PDE10A: variants seen among roughly 807,000 people sequenced by gnomAD.
PDE10A encodes cAMP and cAMP-inhibited cGMP 3',5'-cyclic phosphodiesterase 10A.
Under a neutral mutation model 97.7 loss-of-function variants are expected in PDE10A, and 39 were observed. That is an observed-to-expected ratio of 0.40 (90% CI 0.31 to 0.52). PDE10A has a LOEUF of 0.52. Ranked by LOEUF, PDE10A falls within the 20% of genes least tolerant of loss-of-function variation. The pLI, the probability that PDE10A is intolerant of heterozygous loss-of-function variation, is 0.56. For missense variants in PDE10A, 731 were observed against 1,047.8 expected (o/e 0.70, Z 4.17); for synonymous variants, 371 against 376.8 (o/e 0.98, Z 0.18).
At chr6:165,509,523 C>A (rs940309977) in intron 2 of PDE10A, among the ~76,000 whole-genome samples, 3 of 151,572 alleles carry the variant, frequency 2.0e-5, no homozygotes, top group Non-Finnish European at 2.9e-5. Context: ...TGTGATGCCT[C>A]CGGTGTTGTT....
intron 1 of PDE10A, among the ~76,000 whole-genome samples, chr6:165,715,338 A>T (rs889930868): frequency 6.6e-6 from 1 of 152,238 alleles, no homozygotes; most frequent in Non-Finnish European, 1.5e-5. Context: ...TAGTCCTAGA[A>T]CCATACGCTG....
intron 1 of PDE10A, among the ~76,000 whole-genome samples, chr6:165,805,630 G>A (rs1417532503): frequency 6.6e-6 from 1 of 152,148 alleles, no homozygotes; most frequent in South Asian, 2.1e-4. Context: ...TTTGCAAGGC[G>A]AGAGGGGAGA....
intron 18 of PDE10A, among the ~76,000 whole-genome samples, chr6:165,351,754 G>A (rs1303120560): frequency 6.6e-6 from 1 of 152,200 alleles, no homozygotes; most frequent in Non-Finnish European, 1.5e-5. Flanking sequence ...AATTATTTTA[G>A]CTCAACATGT....
At chr6:165,368,498 A>C (rs1338240390) in intron 18 of PDE10A, among the ~76,000 whole-genome samples, 2 of 152,210 alleles carry the variant, frequency 1.3e-5, no homozygotes, top group Non-Finnish European at 2.9e-5. Context: ...CGGACTAATA[A>C]AAATGCATAC....
At position 165,906,083 on chromosome 6, in the gene PDE10A, TC is replaced by T. The variant is rs780803357; in HGVS notation, c.-615+81445del. 5.7e-4 allele frequency among the ~76,000 whole-genome samples: 24 copies of T among 42,096 alleles called. 3 individuals are homozygous for T. The highest frequency in any genetic ancestry group is 7.3e-4 in the Non-Finnish European group (17 of 23,402). 27.6% of individuals were successfully genotyped at this position (42,096 alleles called of 152,430 possible). A position where few individuals can be genotyped will look rare whatever the true frequency, so the allele number is the denominator to read the frequency against. ...CTCCCTCCGTCCCTTCCTTCCTCCC[TC>T]CCTCCCTTCCTTTCTTCCTTTCTTC... On this transcript the variant is annotated intron_variant, in intron 1 of 19. Coordinates refer to the PDE10A transcript ENST00000366882.
intron 7 of PDE10A, 70 bp from the exon 8 acceptor site, chr6:165,431,542 A>T (rs966666653): frequency 9.0e-6 from 2 of 222,820 alleles, no homozygotes; most frequent in African/African-American, 6.5e-5. Context: ...TATATATAAT[A>T]TACTATATAT....
At chr6:165,525,365 G>A (rs1056723008) in intron 2 of PDE10A, among the ~76,000 whole-genome samples, 2 of 152,026 alleles carry the variant, frequency 1.3e-5, no homozygotes, top group African/African-American at 4.8e-5. Flanking sequence ...AGTTAAAAAA[G>A]GTCCTAACAG....
intron 1 of PDE10A, among the ~76,000 whole-genome samples, chr6:165,687,827 T>G (rs531563849): frequency 1.3e-5 from 2 of 152,290 alleles, no homozygotes; most frequent in South Asian, 4.2e-4. Context: ...TTTAAGCCCT[T>G]CCCAAACTTT....
chr6:165,447,037 G>T (rs1045223693), intron 5 of PDE10A, among the ~76,000 whole-genome samples: 1 of 151,698 alleles, frequency 6.6e-6, no homozygotes, highest in African/African-American at 2.4e-5. Context: ...GCGTTTTGCT[G>T]AATCCTAAGA....
chr6:165,598,561 T>G (rs765924666), intron 1 of PDE10A, among the ~76,000 whole-genome samples: 1 of 152,172 alleles, frequency 6.6e-6, no homozygotes, highest in Non-Finnish European at 1.5e-5. Context: ...GGACTTATCC[T>G]AAGGCTCAGA....
At chr6:165,804,762 AGCG>A (rs1235526964) in intron 1 of PDE10A, among the ~76,000 whole-genome samples, 47 of 150,424 alleles carry the variant, frequency 3.1e-4, no homozygotes, top group African/African-American at 1.1e-3. Context: ...GGGGTCGGGG[AGCG>A]GCGGCGGGGG....
At chr6:165,871,914 G>A (rs1781214207) in intron 1 of PDE10A, among the ~76,000 whole-genome samples, 1 of 152,212 alleles carries the variant, frequency 6.6e-6, no homozygotes, top group Admixed American at 6.5e-5. Flanking sequence ...GGAAATCAAG[G>A]TATTTTCAAG....
intron 1 of PDE10A, among the ~76,000 whole-genome samples, chr6:165,802,002 C>T (rs943709661): frequency 7.9e-5 from 12 of 152,176 alleles, no homozygotes; most frequent in Non-Finnish European, 1.6e-4. Flanking sequence ...AGGCCTGGAA[C>T]TTCTGTCATA....
At chr6:165,447,101 A>T (rs1583301387) in intron 5 of PDE10A, among the ~76,000 whole-genome samples, 2 of 152,280 alleles carry the variant, frequency 1.3e-5, no homozygotes, top group Non-Finnish European at 2.9e-5. Flanking sequence ...AAAGCAAAAA[A>T]AAAAAATAAA....
At chr6:165,564,293 G>T (rs1784667917) in intron 1 of PDE10A, among the ~76,000 whole-genome samples, 1 of 152,122 alleles carries the variant, frequency 6.6e-6, no homozygotes, top group South Asian at 2.1e-4. Flanking sequence ...AAAGATTGGG[G>T]GTTGAAGGTA....
intron 1 of PDE10A, among the ~76,000 whole-genome samples, chr6:165,813,520 C>T (rs1779334445): frequency 6.6e-6 from 1 of 152,196 alleles, no homozygotes; most frequent in Admixed American, 6.5e-5. Flanking sequence ...TCCTTCCCGA[C>T]TTCTGACATC....
At chr6:165,823,738 A>C (rs1779648145) in intron 1 of PDE10A, among the ~76,000 whole-genome samples, 1 of 151,920 alleles carries the variant, frequency 6.6e-6, no homozygotes, top group Non-Finnish European at 1.5e-5. Flanking sequence ...CACCAATATC[A>C]CTACAAACAC....
At chr6:165,670,532 C>A (rs972565337) in intron 1 of PDE10A, among the ~76,000 whole-genome samples, 2 of 152,164 alleles carry the variant, frequency 1.3e-5, no homozygotes, top group Non-Finnish European at 2.9e-5. Context: ...CTGAGCAATT[C>A]TCTTGCTTGA....
chr6:165,623,794 A>C (rs921155007), intron 1 of PDE10A, among the ~76,000 whole-genome samples: 4 of 152,046 alleles, frequency 2.6e-5, no homozygotes, highest in African/African-American at 4.8e-5. Flanking sequence ...TCCTGACCCC[A>C]ATCATGAATA....
Sources: allele counts gnomAD v4.1 joint callset (sites outside exome capture counted in the v4.1 genomes callset), GRCh38; gene constraint gnomAD v4.1.1; transcripts MANE v1.5; gene names NCBI Gene and HGNC (gene_info 2026-07-23, HGNC 2026-07-21).